Variants in ARSB observed in about 807,000 individuals in gnomAD.
The protein encoded by ARSB is arylsulfatase B, also known as N-acetylgalactosamine-4-sulfatase.
Under a neutral mutation model 50.9 loss-of-function variants are expected in ARSB, and 41 were observed. The observed-to-expected ratio is 0.81, with a 90% CI of 0.63 to 1.04. The LOEUF is 1.04. ARSB is among the 50% of genes least tolerant of loss of function. The probability of loss-of-function intolerance (pLI) is 0.00; values close to 1 mark genes in which losing one functional copy is unlikely to be tolerated. For synonymous variants in ARSB, 269 were observed against 284.8 expected (o/e 0.94, Z 0.56); for missense variants, 672 against 693.3 (o/e 0.97, Z 0.35).
At chr5:78,939,883 T>A (rs1750820140) in intron 4 of ARSB, among the ~76,000 whole-genome samples, 1 of 152,208 alleles carries the variant, frequency 6.6e-6, no homozygotes, top group African/African-American at 2.4e-5. Context: ...GTTGAACTAG[T>A]TTATAGTCCC....
At chr5:78,845,578 G>T (rs891794804) in intron 5 of ARSB, among the ~76,000 whole-genome samples, 1 of 151,884 alleles carries the variant, frequency 6.6e-6, no homozygotes, top group African/African-American at 2.4e-5. Context: ...ATTCTAACCG[G>T]GTTGAGATCA....
At chr5:78,837,669 C>T (rs540141624) in intron 6 of ARSB, among the ~76,000 whole-genome samples, 5 of 152,290 alleles carry the variant, frequency 3.3e-5, no homozygotes, top group Non-Finnish European at 5.9e-5. Context: ...ATCCTTTCAA[C>T]AAATAATAAA....
At chr5:78,854,566 T>C (rs1024377532) in intron 5 of ARSB, among the ~76,000 whole-genome samples, 78 of 152,366 alleles carry the variant, frequency 5.1e-4, no homozygotes, top group African/African-American at 1.7e-3. Flanking sequence ...ATTGATTTCA[T>C]TGTGGTCAGG....
chr5:78,880,552 C>T (rs1662519300), intron 5 of ARSB, among the ~76,000 whole-genome samples: 1 of 152,186 alleles, frequency 6.6e-6, no homozygotes, highest in African/African-American at 2.4e-5. Flanking sequence ...CTCAAAGTCA[C>T]TCAAAGCTTT....
intron 2 of ARSB, among the ~76,000 whole-genome samples, chr5:78,965,043 A>G (rs1412772640): frequency 6.6e-6 from 1 of 152,230 alleles, no homozygotes; most frequent in Non-Finnish European, 1.5e-5. Flanking sequence ...GACTGGCTTC[A>G]AGGTTATTTA....
At chr5:78,943,418 G>T (rs1483206645) in intron 4 of ARSB, among the ~76,000 whole-genome samples, 1 of 152,190 alleles carries the variant, frequency 6.6e-6, no homozygotes, top group Non-Finnish European at 1.5e-5. Context: ...GCTGGTATCA[G>T]TTGTTCCTTT....
At chr5:78,973,457 A>G (rs1157385807) in intron 1 of ARSB, among the ~76,000 whole-genome samples, 1 of 152,230 alleles carries the variant, frequency 6.6e-6, no homozygotes, top group Non-Finnish European at 1.5e-5. Flanking sequence ...TTTCTGTGAC[A>G]TAACTGAGAG....
chr5:78,898,716 C>G (rs1393551763), intron 4 of ARSB, among the ~76,000 whole-genome samples: 4 of 152,216 alleles, frequency 2.6e-5, no homozygotes, highest in African/African-American at 9.6e-5. Context: ...GCATTCCCTT[C>G]TGGAAGTTCC....
chr5:78,803,145 C>T (rs1417159682), intron 6 of ARSB, among the ~76,000 whole-genome samples: 1 of 152,234 alleles, frequency 6.6e-6, no homozygotes, highest in Admixed American at 6.5e-5. Flanking sequence ...GAAGAGCAGG[C>T]CCTGTGGGCC....
At chr5:78,810,580 G>A (rs985935283) in intron 6 of ARSB, among the ~76,000 whole-genome samples, 3 of 152,180 alleles carry the variant, frequency 2.0e-5, no homozygotes, top group South Asian at 2.1e-4. Context: ...CACACCACAC[G>A]GTTCTAATTC....
At chr5:78,817,232 ACT>A in intron 6 of ARSB, 2 of 474,652 alleles carry the variant, frequency 4.2e-6, no homozygotes, top group African/African-American at 4.3e-5. Flanking sequence ...CAACTGCTTC[ACT>A]CTCTCTGGTT....
At chr5:78,936,088 C>T (rs1384897576) in intron 4 of ARSB, among the ~76,000 whole-genome samples, 1 of 125,726 alleles carries the variant, frequency 8.0e-6, no homozygotes, top group South Asian at 3.1e-4. Context: ...CCTTCCTCCC[C>T]GCCTCTCTCT....
intron 5 of ARSB, among the ~76,000 whole-genome samples, chr5:78,844,163 A>G (rs1259982763): frequency 1.3e-5 from 2 of 152,146 alleles, no homozygotes; most frequent in African/African-American, 4.8e-5. Flanking sequence ...TCACACTCTC[A>G]CCAGGAATAA....
intron 5 of ARSB, among the ~76,000 whole-genome samples, chr5:78,860,870 C>T (rs999986047): frequency 1.3e-5 from 2 of 149,966 alleles, no homozygotes; most frequent in Non-Finnish European, 2.9e-5. Flanking sequence ...ACTAGCAAGA[C>T]TAATAAAGAA....
intron 5 of ARSB, among the ~76,000 whole-genome samples, chr5:78,867,592 C>A (rs1425501962): frequency 6.6e-6 from 1 of 151,902 alleles, no homozygotes; most frequent in African/African-American, 2.4e-5. Context: ...TTCCAACAGA[C>A]CTGCAGCTGA....
intron 6 of ARSB, among the ~76,000 whole-genome samples, chr5:78,811,014 G>T: frequency 6.6e-6 from 1 of 152,216 alleles, no homozygotes; most frequent in African/African-American, 2.4e-5. Context: ...TTAACAACAT[G>T]AAAAAATGTC....
At chr5:78,867,040 T>A (rs1467813610) in intron 5 of ARSB, among the ~76,000 whole-genome samples, 1 of 151,616 alleles carries the variant, frequency 6.6e-6, no homozygotes, top group East Asian at 1.9e-4. Context: ...CCTTTCCGAG[T>A]CAAAGAAAGG....
intron 5 of ARSB, among the ~76,000 whole-genome samples, chr5:78,849,053 G>A (rs1387609896): frequency 1.3e-5 from 2 of 152,184 alleles, no homozygotes; most frequent in Non-Finnish European, 2.9e-5. Flanking sequence ...TTGCTGTGCA[G>A]AAGCTCTTTA....
rs763835292 is a variant in ARSB at position 78,780,619 on chromosome 5, A to G, written c.1380T>C (p.Ser460=). 1 of 1,614,030 alleles carries G rather than the reference A, an allele frequency of 6.2e-7. No individual in the cohort carries two copies. ...WFPPPSQYNV[S]EIPSSDPPTK... is the part of the protein sequence containing the mutation. ...TTGGTGGGTCTGATGAGGGTATCTC[A>G]GAAACATTGTATTGAGACGGTGGAG... The change falls in exon 8 of 8, where the codon TCT becomes TCC. Residue 460 remains serine, a synonymous_variant. Transcript: ENST00000264914.
Sources: gnomAD v4.1 joint callset for allele counts (sites outside exome capture counted in the v4.1 genomes callset) on GRCh38, gnomAD v4.1.1 for gene constraint, MANE v1.5 for transcripts, NCBI Gene and HGNC (gene_info 2026-07-23, HGNC 2026-07-21) for gene names.